Variants in APBB1IP observed in about 807,000 individuals in gnomAD.
APBB1IP encodes the protein amyloid beta precursor protein binding family B member 1 interacting protein.
In APBB1IP, 27 loss-of-function variants were observed where a neutral mutation model predicts 64.9. The observed-to-expected ratio is 0.42, with a 90% CI of 0.31 to 0.57. The LOEUF (loss-of-function observed/expected upper bound fraction) is 0.57, where lower values mean the gene tolerates loss of function less well. APBB1IP is among the 20% of genes least tolerant of loss of function. APBB1IP has a pLI of 0.20. For missense variants in APBB1IP, 812 were observed against 845.5 expected (o/e 0.96, Z 0.49); for synonymous variants, 392 against 331.0 (o/e 1.18, Z -2.00).
chr10:26,473,030 T>C (rs944222281), intron 2 of APBB1IP, among the ~76,000 whole-genome samples: 1 of 152,166 alleles, frequency 6.6e-6, no homozygotes, highest in African/African-American at 2.4e-5. Flanking sequence ...GAAGTGTGTC[T>C]TCACTTCTTT....
At chr10:26,482,958 G>A (rs2132423592) in intron 2 of APBB1IP, among the ~76,000 whole-genome samples, 1 of 150,650 alleles carries the variant, frequency 6.6e-6, no homozygotes, top group East Asian at 1.9e-4. Flanking sequence ...GGTCATGGTG[G>A]CCGGTGCCTG....
At chr10:26,518,367 C>G (rs1396316385) in intron 8 of APBB1IP, among the ~76,000 whole-genome samples, 1 of 151,994 alleles carries the variant, frequency 6.6e-6, no homozygotes, top group Non-Finnish European at 1.5e-5. Context: ...CGTGCCTCAG[C>G]CTCCCGAGTA....
chr10:26,535,518 T>C (rs1836610030), intron 9 of APBB1IP, among the ~76,000 whole-genome samples: 1 of 152,228 alleles, frequency 6.6e-6, no homozygotes, highest in Admixed American at 6.5e-5. Flanking sequence ...TTGACTATAG[T>C]CACCCTGCTT....
chr10:26,503,983 T>A (rs1836138728), intron 6 of APBB1IP, among the ~76,000 whole-genome samples: 1 of 152,188 alleles, frequency 6.6e-6, no homozygotes, highest in South Asian at 2.1e-4. Context: ...TAAAACAAGT[T>A]TGCACATCCA....
chr10:26,472,942 A>AAAAAAAAG (rs1198798343), intron 2 of APBB1IP, among the ~76,000 whole-genome samples: 12 of 152,098 alleles, frequency 7.9e-5, no homozygotes, highest in African/African-American at 2.4e-4. Flanking sequence ...ATCAAAAACA[A>AAAAAAAAG]AAAGAAAAAG....
intron 11 of APBB1IP, among the ~76,000 whole-genome samples, chr10:26,556,687 G>A (rs576413504): frequency 7.2e-4 from 110 of 152,306 alleles, no homozygotes; most frequent in African/African-American, 2.3e-3. Context: ...TTGCAAACAC[G>A]ATGAGATTTA....
At chr10:26,543,731 C>A (rs1178696920) in intron 11 of APBB1IP, among the ~76,000 whole-genome samples, 3 of 152,068 alleles carry the variant, frequency 2.0e-5, no homozygotes, top group African/African-American at 7.2e-5. Flanking sequence ...GGGCTGGGGC[C>A]AGGGCTCCTT....
intron 2 of APBB1IP, among the ~76,000 whole-genome samples, chr10:26,473,521 T>G (rs927279314): frequency 2.6e-5 from 4 of 152,218 alleles, no homozygotes; most frequent in Admixed American, 2.0e-4. Flanking sequence ...TTTAAATTAA[T>G]AGTTAAGCAG....
rs71403804 is a variant in APBB1IP at position 26,534,294 on chromosome 10, C to CAAAAA, written c.900+789_900+793dup. ...TGGGCAACAAAGCAAGATCCAGTCTCAAAAAAAAAAAAAAAAAAAAAAAAT... is the reference window on the plus strand; with the variant it reads ...TGGGCAACAAAGCAAGATCCAGTCTCAAAAAAAAAAAAAAAAAAAAAAAAAAAAAT... On this transcript the variant is annotated intron_variant, in intron 9 of 14. Transcript: ENST00000376236. Among the ~76,000 whole-genome samples, 61 of 58,628 alleles carry CAAAAA rather than the reference C, an allele frequency of 1.0e-3. 3 individuals are homozygous for CAAAAA. The highest frequency in any genetic ancestry group is 3.7e-3 in the Admixed American group (15 of 4,068). 38.5% of individuals were successfully genotyped at this position (58,628 alleles called of 152,430 possible).
At chr10:26,542,379 C>T (rs1254981119) in intron 11 of APBB1IP, among the ~76,000 whole-genome samples, 1 of 152,180 alleles carries the variant, frequency 6.6e-6, no homozygotes, top group East Asian at 1.9e-4. Context: ...TGGTCTCAAA[C>T]TCCTGGGCTC....
At chr10:26,460,237 G>GAAAC (rs1190360528) in intron 2 of APBB1IP, among the ~76,000 whole-genome samples, 1 of 152,174 alleles carries the variant, frequency 6.6e-6, no homozygotes, top group East Asian at 1.9e-4. Context: ...TTGCTAGTCA[G>GAAAC]AAACAATACA....
rs569973085 is a variant in APBB1IP, at chr10:26,564,011, C to T, written c.1473+1582C>T. On this transcript the variant is annotated intron_variant, in intron 14 of 14. Transcript: ENST00000376236. The stretch of plus-strand genomic sequence containing the variant: ...TTAACTATATGTGAACACCAATTCC[C>T]AAGCTGCCTGTTCAGAAATTTAAAT... Among the ~76,000 whole-genome samples the T allele has an allele frequency of 2.1e-5, 3 of 142,268 alleles. No homozygotes were observed. The South Asian group carries it at 7.3e-4, about 34-fold the overall frequency. 93.3% of individuals were successfully genotyped at this position (142,268 alleles called of 152,430 possible). A position where few individuals can be genotyped will look rare whatever the true frequency, so the allele number is the denominator to read the frequency against.
chr10:26,553,731 C>T (rs892254394), intron 11 of APBB1IP, among the ~76,000 whole-genome samples: 1 of 152,142 alleles, frequency 6.6e-6, no homozygotes, highest in African/African-American at 2.4e-5. Flanking sequence ...AAAACAAAGG[C>T]CTCTGGCTTT....
intron 2 of APBB1IP, among the ~76,000 whole-genome samples, chr10:26,462,861 C>G (rs929139544): frequency 2.6e-5 from 4 of 152,166 alleles, no homozygotes; most frequent in African/African-American, 9.7e-5. Flanking sequence ...GCTCTTGTTA[C>G]TCCTCAAATG....
chr10:26,518,305 T>C (rs2132450975), intron 8 of APBB1IP, among the ~76,000 whole-genome samples: 1 of 151,302 alleles, frequency 6.6e-6, no homozygotes, highest in African/African-American at 2.4e-5. Context: ...TGGAATGCAG[T>C]GACACAATCT....
At chr10:26,463,095 G>A (rs10741110) in intron 2 of APBB1IP, among the ~76,000 whole-genome samples, 55,975 of 151,936 alleles carry the variant, frequency 0.37, 10,370 homozygotes, top group South Asian at 0.5. Context: ...ATTTGCCGAA[G>A]CCAGCAAAAA....
At chr10:26,459,413 T>C (rs1425252915) in intron 2 of APBB1IP, among the ~76,000 whole-genome samples, 2 of 152,178 alleles carry the variant, frequency 1.3e-5, no homozygotes, top group Non-Finnish European at 2.9e-5. Flanking sequence ...GTCATGTGTC[T>C]TTATAGCAGC....
intron 2 of APBB1IP, among the ~76,000 whole-genome samples, chr10:26,457,505 A>G (rs1012513969): frequency 1.1e-4 from 16 of 152,240 alleles, no homozygotes; most frequent in Admixed American, 8.5e-4. Flanking sequence ...TGCACTGTTC[A>G]ACTCCTAACT....
intron 2 of APBB1IP, among the ~76,000 whole-genome samples, chr10:26,490,509 C>T (rs1835942348): frequency 6.6e-6 from 1 of 152,062 alleles, no homozygotes; most frequent in South Asian, 2.1e-4. Flanking sequence ...CCTGTAATTC[C>T]AGCTACTCAG....
Sources: gnomAD v4.1 joint callset for allele counts (sites outside exome capture counted in the v4.1 genomes callset) on GRCh38, gnomAD v4.1.1 for gene constraint, MANE v1.5 for transcripts, NCBI Gene and HGNC (gene_info 2026-07-23, HGNC 2026-07-21) for gene names.